FSTL4: variants seen among roughly 807,000 people sequenced by gnomAD.
FSTL4 encodes follistatin like 4.
In FSTL4, 28 loss-of-function variants were observed where a neutral mutation model predicts 78.2. That is an observed-to-expected ratio of 0.36 (90% CI 0.27 to 0.49). The LOEUF (loss-of-function observed/expected upper bound fraction) is 0.49. FSTL4 is among the 20% of genes least tolerant of loss of function. The pLI is 0.98. For missense variants in FSTL4, 922 were observed against 1,084.9 expected (o/e 0.85, Z 2.11); for synonymous variants, 422 against 440.5 (o/e 0.96, Z 0.53).
At chr5:133,344,840 C>T (rs1404528449) in intron 4 of FSTL4, among the ~76,000 whole-genome samples, 1 of 152,216 alleles carries the variant, frequency 6.6e-6, no homozygotes, top group Non-Finnish European at 1.5e-5. Flanking sequence ...AGTTGTCCCA[C>T]AAGTCCTGCC....
chr5:133,306,308 G>C (rs530332771), intron 6 of FSTL4, among the ~76,000 whole-genome samples: 1 of 152,210 alleles, frequency 6.6e-6, no homozygotes, highest in Admixed American at 6.5e-5. Flanking sequence ...CGGGCTAAGC[G>C]AGAGCCCTCC....
At chr5:133,793,864 A>G in the FSTL4 span, among the ~76,000 whole-genome samples, 1 of 152,188 alleles carries the variant, frequency 6.6e-6, no homozygotes, top group African/African-American at 2.4e-5. Flanking sequence ...TTTAACTTAG[A>G]GGGAGGAAAA....
the FSTL4 span, among the ~76,000 whole-genome samples, chr5:133,690,277 A>C: frequency 6.6e-6 from 1 of 152,156 alleles, no homozygotes; most frequent in Non-Finnish European, 1.5e-5. Context: ...CAAAAGGGCT[A>C]TCTGCCTGCC....
At chr5:133,784,736 GAA>G in the FSTL4 span, among the ~76,000 whole-genome samples, 1 of 137,802 alleles carries the variant, frequency 7.3e-6, no homozygotes. Flanking sequence ...ATTCCCTTAA[GAA>G]AAAAAAAAAA....
At chr5:133,301,710 C>T (rs1014133000) in intron 6 of FSTL4, among the ~76,000 whole-genome samples, 15 of 152,200 alleles carry the variant, frequency 9.9e-5, no homozygotes, top group African/African-American at 2.4e-4. Flanking sequence ...TGGAGAAGAA[C>T]GGCTCTCCAA....
intron 13 of FSTL4, among the ~76,000 whole-genome samples, chr5:133,213,001 T>C (rs1436338045): frequency 6.8e-6 from 1 of 147,606 alleles, no homozygotes; most frequent in African/African-American, 2.6e-5. Context: ...CAGTGAAGAA[T>C]AGAAAGTAAA....
At chr5:133,690,441 C>T in the FSTL4 span, among the ~76,000 whole-genome samples, 1 of 152,096 alleles carries the variant, frequency 6.6e-6, no homozygotes, top group South Asian at 2.1e-4. Flanking sequence ...ATATCTGCTG[C>T]ACCTCAAATA....
At chr5:133,525,366 C>T (rs1446197339) in intron 3 of FSTL4, among the ~76,000 whole-genome samples, 1 of 152,204 alleles carries the variant, frequency 6.6e-6, no homozygotes, top group Admixed American at 6.5e-5. Flanking sequence ...AGTTCCCACT[C>T]AAAGGCAGCT....
chr5:133,754,003 A>G, the FSTL4 span, among the ~76,000 whole-genome samples: 1 of 152,176 alleles, frequency 6.6e-6, no homozygotes, highest in East Asian at 1.9e-4. Context: ...TAGCATAATG[A>G]CTAATAGTGG....
At chr5:133,302,944 C>T (rs1753580031) in intron 6 of FSTL4, among the ~76,000 whole-genome samples, 1 of 152,222 alleles carries the variant, frequency 6.6e-6, no homozygotes, top group Non-Finnish European at 1.5e-5. Context: ...AGGCTGAATG[C>T]CCACCACATG....
At chr5:133,540,029 G>A (rs575749454) in intron 3 of FSTL4, among the ~76,000 whole-genome samples, 1 of 151,700 alleles carries the variant, frequency 6.6e-6, no homozygotes, top group Non-Finnish European at 1.5e-5. Context: ...TAGTGTGGGT[G>A]AGTCTCATCC....
chr5:133,445,528 CA>C (rs1300791499), intron 3 of FSTL4, among the ~76,000 whole-genome samples: 1 of 152,216 alleles, frequency 6.6e-6, no homozygotes, highest in Non-Finnish European at 1.5e-5. Context: ...TATGCTGTCT[CA>C]CCCAGGCCCT....
At chr5:133,598,260 T>A (rs1760782271) in intron 2 of FSTL4, among the ~76,000 whole-genome samples, 1 of 152,068 alleles carries the variant, frequency 6.6e-6, no homozygotes, top group South Asian at 2.1e-4. Flanking sequence ...CTAAGGCTTT[T>A]CTTCCCAGTG....
intron 6 of FSTL4, among the ~76,000 whole-genome samples, chr5:133,258,957 T>C (rs2126832680): frequency 6.6e-6 from 1 of 152,240 alleles, no homozygotes; most frequent in Middle Eastern, 3.4e-3. Flanking sequence ...CCAGAATACC[T>C]TCTGTACAGG....
intron 6 of FSTL4, among the ~76,000 whole-genome samples, chr5:133,274,139 C>T (rs1173386917): frequency 6.6e-6 from 1 of 152,140 alleles, no homozygotes; most frequent in East Asian, 1.9e-4. Context: ...GCAGAGATGT[C>T]CTCTGGGCAG....
intron 3 of FSTL4, among the ~76,000 whole-genome samples, chr5:133,460,683 A>G (rs910978980): frequency 3.3e-5 from 5 of 152,186 alleles, no homozygotes; most frequent in Admixed American, 1.3e-4. Flanking sequence ...TACAGGGAGT[A>G]TTCACTGGGT....
intron 3 of FSTL4, among the ~76,000 whole-genome samples, chr5:133,496,711 C>T (rs1278708421): frequency 1.3e-5 from 2 of 152,184 alleles, no homozygotes; most frequent in African/African-American, 4.8e-5. Flanking sequence ...TGCTCTTCCC[C>T]TGCCTTTGCC....
At chr5:133,270,350 A>G (rs1752740041) in intron 6 of FSTL4, among the ~76,000 whole-genome samples, 1 of 152,216 alleles carries the variant, frequency 6.6e-6, no homozygotes, top group African/African-American at 2.4e-5. Flanking sequence ...TAAGTTGCGG[A>G]GAGCGTGTAT....
intron 6 of FSTL4, among the ~76,000 whole-genome samples, chr5:133,293,740 C>G (rs140419186): frequency 6.6e-6 from 1 of 152,182 alleles, no homozygotes; most frequent in Admixed American, 6.5e-5. Context: ...TGAAGGTGTC[C>G]GAGTCCCCAT....
Sources: gnomAD v4.1 joint callset for allele counts (sites outside exome capture counted in the v4.1 genomes callset) on GRCh38, gnomAD v4.1.1 for gene constraint, MANE v1.5 for transcripts, NCBI Gene and HGNC (gene_info 2026-07-23, HGNC 2026-07-21) for gene names.